The following KIRREL3 variants were observed in gnomAD, a reference collection of about 807,000 sequenced individuals.
KIRREL3 encodes kirre like nephrin family adhesion molecule 3, also known as kin of IRRE-like protein 3.
KIRREL3 carries 36 observed loss-of-function variants against 89.7 expected under a neutral mutation model. That is an observed-to-expected ratio of 0.40 (90% CI 0.31 to 0.53). The LOEUF is 0.53. KIRREL3 is among the 20% of genes least tolerant of loss of function. The probability of loss-of-function intolerance (pLI) is 0.49; values close to 1 mark genes in which losing one functional copy is unlikely to be tolerated. For missense variants in KIRREL3, 864 were observed against 1,056.6 expected (o/e 0.82, Z 2.53); for synonymous variants, 445 against 441.4 (o/e 1.01, Z -0.10).
rs979055484 is a variant in KIRREL3, at chr11:126,496,075, C to A, written c.434-22609G>T. On this transcript the variant is annotated intron_variant, in intron 4 of 16. Coordinates refer to ENST00000525144, the MANE Select transcript of KIRREL3 (RefSeq NM_032531.4). This position sits in a 1 kb window ranked among gnomAD's most constrained non-coding sequence, Gnocchi z 4.9. Reference sequence around the variant, plus strand: ...TATGTCTGATTGCAGAGATCCAGAACCATTCAGCTAAGCCAGGCTCAGTTT... The same window carrying A: ...TATGTCTGATTGCAGAGATCCAGAAACATTCAGCTAAGCCAGGCTCAGTTT... 1.3e-5 allele frequency among the ~76,000 whole-genome samples: 2 copies of A among 152,178 alleles called. No homozygotes were observed. Among genetic ancestry groups the A allele is most frequent in the Non-Finnish European group, 2.9e-5 (2 of 68,028 alleles).
In KIRREL3 at chr11:126,917,648, C is replaced by A. The variant is rs371284515; in HGVS notation, c.55+82807G>T. Among the ~76,000 whole-genome samples, 1 of 152,162 alleles carries A rather than the reference C, an allele frequency of 6.6e-6. No individual in the cohort carries two copies. The highest frequency in any genetic ancestry group is 1.9e-4 in the East Asian group (1 of 5,174). On this transcript the variant is annotated intron_variant, in intron 1 of 16. Coordinates refer to ENST00000525144, the MANE Select transcript of KIRREL3 (RefSeq NM_032531.4). This position sits in a 1 kb window ranked among gnomAD's most constrained non-coding sequence, Gnocchi z 5.0. ...GCAATCTGGTTTCTAGTATGAGTTGCTTCCACTCATACTAGAAACCATATA... is the reference window on the plus strand; with the variant it reads ...GCAATCTGGTTTCTAGTATGAGTTGATTCCACTCATACTAGAAACCATATA...
At chr11:126,487,288 A>C (rs1027161080) in intron 4 of KIRREL3, among the ~76,000 whole-genome samples, 3 of 152,178 alleles carry the variant, frequency 2.0e-5, no homozygotes, top group Non-Finnish European at 4.4e-5. Flanking sequence ...TTAAAAAGAC[A>C]GGCAAAGAGG....
In KIRREL3 at chr11:126,925,107, G is replaced by A. The variant is rs934743692; in HGVS notation, c.55+75348C>T. 6.7e-5 allele frequency among the ~76,000 whole-genome samples: 10 copies of A among 148,208 alleles called. No homozygotes were observed. The South Asian group carries it at 6.8e-4, about 10-fold the overall frequency. On this transcript the variant is annotated intron_variant, in intron 1 of 16. Transcript: ENST00000525144. ...TCACCATAAAAAGGTCGGGGGGGGG[G>A]GGGGGCTGTTGGTCACAGGATTGTG... is the stretch of plus-strand genomic sequence containing the variant.
rs1047752649 is a variant in KIRREL3 at position 126,430,303 on chromosome 11, G to A, written c.1697-1015C>T. The stretch of plus-strand genomic sequence containing the variant: ...CTGCAAAAAATTAAAAAAATAGCAA[G>A]GCATGATGGCACACGCCTGTAATCC... On this transcript the variant is annotated intron_variant, in intron 14 of 16. Transcript: ENST00000525144. The surrounding 1 kb of genome is among the most constrained non-coding windows in gnomAD (Gnocchi z 6.6). Among the ~76,000 whole-genome samples, 2 of 152,102 alleles carry A rather than the reference G, an allele frequency of 1.3e-5. No homozygotes were observed. Among genetic ancestry groups the A allele is most frequent in the African/African-American group, 2.4e-5 (1 of 41,408 alleles).
At position 126,694,978 on chromosome 11, in the gene KIRREL3, T is replaced by C. The variant is rs1029913059; in HGVS notation, c.56-132066A>G. Among the ~76,000 whole-genome samples the C allele has an allele frequency of 1.3e-5, 2 of 152,206 alleles. No homozygotes were observed. The highest frequency in any genetic ancestry group is 2.4e-5 in the African/African-American group (1 of 41,444). On this transcript the variant is annotated intron_variant, in intron 1 of 16. Transcript: ENST00000525144. The surrounding 1 kb of genome is among the most constrained non-coding windows in gnomAD (Gnocchi z 4.4). The stretch of plus-strand genomic sequence containing the variant: ...ATGCGAGTCTCAATGCCTAGAATGC[T>C]CTATAGCAGGGGTCAGCAAACTGGC...
intron 2 of KIRREL3, among the ~76,000 whole-genome samples, chr11:126,538,692 G>T (rs1467029244): frequency 6.6e-6 from 1 of 152,174 alleles, no homozygotes; most frequent in Non-Finnish European, 1.5e-5. Flanking sequence ...GTTCTAGGGG[G>T]TTTCAGTCAC....
intron 1 of KIRREL3, among the ~76,000 whole-genome samples, chr11:126,675,027 C>G (rs2135073358): frequency 6.6e-6 from 1 of 152,334 alleles, no homozygotes; most frequent in Non-Finnish European, 1.5e-5. Flanking sequence ...TGGGCCACAT[C>G]CCAGTTCAGT....
chr11:126,825,591 C>T (rs1316698678), intron 1 of KIRREL3, among the ~76,000 whole-genome samples: 5 of 152,170 alleles, frequency 3.3e-5, no homozygotes, highest in African/African-American at 1.2e-4. Flanking sequence ...TCACAGGCTA[C>T]TGCTGTTACC....
At chr11:126,654,337 G>GTT (rs5795513) in intron 1 of KIRREL3, among the ~76,000 whole-genome samples, 67 of 139,216 alleles carry the variant, frequency 4.8e-4, no homozygotes, top group Middle Eastern at 3.5e-3. Flanking sequence ...TAAACTGAAA[G>GTT]TTTTTTTTTT....
chr11:126,787,501 C>A (rs1347312718), intron 1 of KIRREL3, among the ~76,000 whole-genome samples: 2 of 152,154 alleles, frequency 1.3e-5, no homozygotes, highest in Non-Finnish European at 2.9e-5. Context: ...AAGGGAGACC[C>A]AACTTTTCAT....
In KIRREL3 at chr11:126,551,931, C is replaced by A. The variant is rs1364505048; in HGVS notation, c.133+10904G>T. Among the ~76,000 whole-genome samples the A allele has an allele frequency of 4.6e-5, 7 of 152,212 alleles. No individual in the cohort carries two copies. Among genetic ancestry groups the A allele is most frequent in the Non-Finnish European group, 1.0e-4 (7 of 68,036 alleles). Reference sequence around the variant, plus strand: ...AAAGTGCTGGGATTACAGGCGTGAGCCACTGTGCCCAGCCTGCAGGCTTTC... The same window carrying A: ...AAAGTGCTGGGATTACAGGCGTGAGACACTGTGCCCAGCCTGCAGGCTTTC... On this transcript the variant is annotated intron_variant, in intron 2 of 16. Coordinates refer to ENST00000525144, the MANE Select transcript of KIRREL3 (RefSeq NM_032531.4). This position sits in a 1 kb window ranked among gnomAD's most constrained non-coding sequence, Gnocchi z 4.9.
In KIRREL3 at chr11:126,578,528, G is replaced by A. The variant is rs191792656; in HGVS notation, c.56-15616C>T. Among the ~76,000 whole-genome samples, 76 of 152,320 alleles carry A rather than the reference G, an allele frequency of 5.0e-4. No individual in the cohort carries two copies. The highest frequency in any genetic ancestry group is 1.5e-3 in the African/African-American group (62 of 41,576). Reference sequence around the variant, plus strand: ...ACGGGGTGAGAACTTGGGGTGTGGCGTGTCCCTGTGGGTGGACACATTGTG... The same window carrying A: ...ACGGGGTGAGAACTTGGGGTGTGGCATGTCCCTGTGGGTGGACACATTGTG... On this transcript the variant is annotated intron_variant, in intron 1 of 16. Coordinates refer to ENST00000525144, the MANE Select transcript of KIRREL3 (RefSeq NM_032531.4). This position sits in a 1 kb window ranked among gnomAD's most constrained non-coding sequence, Gnocchi z 4.9.
In KIRREL3 at chr11:126,867,232, C is replaced by CA. The variant is rs1204445452; in HGVS notation, c.55+133222dup. 5.9e-5 allele frequency among the ~76,000 whole-genome samples: 9 copies of CA among 152,370 alleles called. No individual in the cohort carries two copies. The highest frequency in any genetic ancestry group is 2.1e-4 in the South Asian group (1 of 4,830). On this transcript the variant is annotated intron_variant, in intron 1 of 16. Transcript: ENST00000525144. The surrounding 1 kb of genome is among the most constrained non-coding windows in gnomAD (Gnocchi z 4.7). Reference sequence around the variant, plus strand: ...TCTATGCAGCGAGCCACACTCCTATCACACAGCCTGCCATGGGGATAAAGG... The same window carrying CA: ...TCTATGCAGCGAGCCACACTCCTATCAACACAGCCTGCCATGGGGATAAAGG...
intron 1 of KIRREL3, among the ~76,000 whole-genome samples, chr11:126,618,594 C>G (rs745399204): frequency 2.6e-5 from 4 of 152,136 alleles, no homozygotes; most frequent in Non-Finnish European, 4.4e-5. Flanking sequence ...ACCACCATAC[C>G]TGGCTAATTT....
At chr11:126,456,598 G>C (rs1956352764) in intron 6 of KIRREL3, 144 bp from the exon 7 acceptor site, 2 of 610,578 alleles carry the variant, frequency 3.3e-6, no homozygotes, top group Non-Finnish European at 5.8e-6. Context: ...AGGAAGCTGG[G>C]GGCTCCATGG....
chr11:126,968,911 C>T (rs758806237), intron 1 of KIRREL3, among the ~76,000 whole-genome samples: 6 of 152,172 alleles, frequency 3.9e-5, no homozygotes, highest in Non-Finnish European at 5.9e-5. Context: ...AGACTCAGTT[C>T]CCTCATCTGT....
chr11:126,564,336 G>T lies in KIRREL3; in HGVS notation c.56-1424C>A, dbSNP rs1470941866. Among the ~76,000 whole-genome samples, 8 of 152,232 alleles carry T rather than the reference G, an allele frequency of 5.3e-5. No homozygotes were observed. Among genetic ancestry groups the T allele is most frequent in the Non-Finnish European group, 1.0e-4 (7 of 68,044 alleles). On this transcript the variant is annotated intron_variant, in intron 1 of 16. Transcript: ENST00000525144. The surrounding 1 kb of genome is among the most constrained non-coding windows in gnomAD (Gnocchi z 7.4). ...ACCAAGCATAGCAGGATGAAAGAGA[G>T]TGCAGGGCCCATGAGACACAGATAA...
chr11:126,919,106 G>A (rs11220659), intron 1 of KIRREL3, among the ~76,000 whole-genome samples: 11,071 of 151,876 alleles, frequency 0.073, 550 homozygotes, highest in East Asian at 0.21. Flanking sequence ...ATCAACTTAG[G>A]TTTTCATACC....
At position 126,526,834 on chromosome 11, in the gene KIRREL3, C is replaced by G. The variant is rs1050075995; in HGVS notation, c.134-147G>C. On this transcript the variant is annotated intron_variant, in intron 2 of 16. Transcript: ENST00000525144. The surrounding 1 kb of genome is among the most constrained non-coding windows in gnomAD (Gnocchi z 5.7). ...CTTTCCTGCTGAGGGTCTGGTAGAGCTTCCTAACTGGTCTCAGCCCCAGCT... is the reference window on the plus strand; with the variant it reads ...CTTTCCTGCTGAGGGTCTGGTAGAGGTTCCTAACTGGTCTCAGCCCCAGCT... The G allele has an allele frequency of 1.2e-6, 1 of 863,862 alleles. No individual in the cohort carries two copies. Among genetic ancestry groups the G allele is most frequent in the Non-Finnish European group, 1.8e-6 (1 of 561,882 alleles). 53.5% of individuals were successfully genotyped at this position (863,862 alleles called of 1,614,324 possible). A position where few individuals can be genotyped will look rare whatever the true frequency, so the allele number is the denominator to read the frequency against.
Sources: allele counts gnomAD v4.1 joint callset (sites outside exome capture counted in the v4.1 genomes callset), GRCh38; gene constraint gnomAD v4.1.1; non-coding constraint Gnocchi (gnomAD v3.1); transcripts MANE v1.5; gene names NCBI Gene and HGNC (gene_info 2026-07-23, HGNC 2026-07-21).